Variants in AFF2 observed in about 807,000 individuals in gnomAD.
AFF2 encodes AF4/FMR2 family member 2.
Under a neutral mutation model 76.9 loss-of-function variants are expected in AFF2, and 14 were observed. That is an observed-to-expected ratio of 0.18 (90% CI 0.12 to 0.28). The LOEUF (loss-of-function observed/expected upper bound fraction) is 0.28, where lower values mean the gene tolerates loss of function less well. Among genes scored for constraint, AFF2 ranks in the 10% least tolerant of loss-of-function variants. The pLI is 1.00. For synonymous variants in AFF2, 398 were observed against 366.7 expected (o/e 1.09, Z -0.98); for missense variants, 868 against 1,001.1 (o/e 0.87, Z 1.79).
In AFF2 at chrX:148,953,704, G is replaced by A; in HGVS notation, c.1522G>A (p.Glu508Lys). 8.3e-7 allele frequency: 1 copy of A among 1,210,536 alleles called. No homozygotes were observed. The highest frequency in any genetic ancestry group is 1.1e-6 in the Non-Finnish European group (1 of 895,120). ...SDTESSTTDS[E>K]SNEAPRVATP... ...CACTGAAAGTAGCACCACTGACAGC[G>A]AATCTAATGAGGCACCTCGTGTGGC... The change falls in exon 10 of 21, where the codon GAA becomes AAA. Residue 508 changes from glutamate to lysine, a missense_variant. Glu to Lys is a moderately conservative substitution (Grantham distance 56). Transcript: ENST00000370460.
intron 1 of AFF2, among the ~76,000 whole-genome samples, chrX:148,648,561 CAA>C (rs1241628949): frequency 8.2e-4 from 19 of 23,046 alleles, no homozygotes; most frequent in African/African-American, 2.2e-3. Flanking sequence ...AAAACTCCGT[CAA>C]AAAAAAAAAA....
intron 3 of AFF2, among the ~76,000 whole-genome samples, chrX:148,732,566 A>T (rs1272048434): frequency 1.0e-5 from 1 of 98,829 alleles, no homozygotes; most frequent in Non-Finnish European, 2.0e-5. Context: ...CCTAAAACTT[A>T]AAGTATAATT....
chrX:148,521,374 GCACACACACA>G (rs781978355), intron 1 of AFF2, among the ~76,000 whole-genome samples: 1 of 90,920 alleles, frequency 1.1e-5, no homozygotes, highest in Non-Finnish European at 2.1e-5. Flanking sequence ...GCACGTGCAT[GCACACACACA>G]CACACACACA....
At chrX:148,980,256 G>T (rs1230753544) in intron 18 of AFF2, among the ~76,000 whole-genome samples, 3 of 111,896 alleles carry the variant, frequency 2.7e-5, no homozygotes, top group Non-Finnish European at 5.6e-5. Context: ...TGTAAATAGA[G>T]CAAATCAAGG....
At chrX:148,788,583 C>G (rs2069852454) in intron 3 of AFF2, among the ~76,000 whole-genome samples, 1 of 111,527 alleles carries the variant, frequency 9.0e-6, no homozygotes, top group African/African-American at 3.3e-5. Context: ...TGAAATTTCC[C>G]CAGGACCAGT....
chrX:148,973,134 A>G (rs946210451), intron 15 of AFF2, among the ~76,000 whole-genome samples: 30 of 108,703 alleles, frequency 2.8e-4, no homozygotes, highest in South Asian at 1.6e-3. Context: ...ATTGATCTAT[A>G]TCTCTGTTTT....
chrX:148,996,203 A>T lies in AFF2; in HGVS notation c.*4871A>T, dbSNP rs1290288566. 8.9e-6 allele frequency: 1 copy of T among 112,492 alleles called. No homozygotes were observed. The highest frequency in any genetic ancestry group is 3.2e-5 in the African/African-American group (1 of 30,936). The allele number at this position is 112,492 out of a possible 1,213,427, so 9.3% of individuals were successfully genotyped here. On this transcript the variant is annotated 3_prime_UTR_variant, in exon 21 of 21. Coordinates refer to ENST00000370460, the MANE Select transcript of AFF2 (RefSeq NM_002025.4). The stretch of plus-strand genomic sequence containing the variant: ...GGGAGGAAGGAGACCCTGGACAGTA[A>T]GCAAAATTGGAGACACTCCAACGAG...
chrX:148,712,096 G>T (rs782220442), intron 3 of AFF2, among the ~76,000 whole-genome samples: 227 of 111,569 alleles, frequency 2.0e-3, no homozygotes, highest in Non-Finnish European at 2.9e-3. Flanking sequence ...TACAAGTAAT[G>T]GTTTAAAGCA....
intron 1 of AFF2, among the ~76,000 whole-genome samples, chrX:148,629,996 G>GT (rs1281385188): frequency 6.3e-5 from 7 of 111,306 alleles, no homozygotes; most frequent in Admixed American, 1.9e-4. Flanking sequence ...ATATACCCAG[G>GT]TTTTTTTAAC....
At chrX:148,776,972 G>A (rs1192821497) in intron 3 of AFF2, among the ~76,000 whole-genome samples, 5 of 111,409 alleles carry the variant, frequency 4.5e-5, no homozygotes, top group Non-Finnish European at 7.5e-5. Flanking sequence ...TTTCTTCTAG[G>A]GTTTTTACGG....
At chrX:148,638,083 T>C (rs782752715) in intron 1 of AFF2, among the ~76,000 whole-genome samples, 1 of 111,283 alleles carries the variant, frequency 9.0e-6, no homozygotes, top group South Asian at 3.9e-4. Context: ...CATATCCTTG[T>C]TTTCCATAAA....
At chrX:148,800,477 C>T (rs1279935673) in intron 3 of AFF2, among the ~76,000 whole-genome samples, 2 of 111,970 alleles carry the variant, frequency 1.8e-5, no homozygotes, top group Admixed American at 9.5e-5. Context: ...TTCAAAAAGA[C>T]GTTTAAATCA....
chrX:148,600,297 G>T (rs1304412417), intron 1 of AFF2, among the ~76,000 whole-genome samples: 1 of 111,479 alleles, frequency 9.0e-6, no homozygotes, highest in Non-Finnish European at 1.9e-5. Flanking sequence ...AAACAAGTAG[G>T]AGGACAGCTT....
intron 3 of AFF2, among the ~76,000 whole-genome samples, chrX:148,664,854 T>G (rs1219982663): frequency 4.4e-5 from 5 of 112,764 alleles, no homozygotes; most frequent in African/African-American, 1.6e-4. Context: ...TTCAGTTGTA[T>G]TCTGTCTGCC....
intron 12 of AFF2, 26 bp from the exon 13 acceptor site, chrX:148,962,689 C>T: frequency 2.6e-6 from 3 of 1,145,206 alleles, no homozygotes; most frequent in Non-Finnish European, 3.6e-6. Context: ...GACTTTATGA[C>T]ACCCTACACT....
intron 1 of AFF2, among the ~76,000 whole-genome samples, chrX:148,601,512 C>G (rs782426334): frequency 8.9e-6 from 1 of 111,767 alleles, no homozygotes; most frequent in Non-Finnish European, 1.9e-5. Context: ...GTTCATCTTC[C>G]TTTAGTATTC....
At position 148,648,536 on chromosome X, in the gene AFF2, T is replaced by C. The variant is rs781920594; in HGVS notation, c.48-3463T>C. 3.5e-5 allele frequency among the ~76,000 whole-genome samples: 3 copies of C among 85,030 alleles called. No individual in the cohort carries two copies. The South Asian group carries it at 1.8e-3, about 51-fold the overall frequency. The allele number at this position is 85,030 out of a possible 115,157, so 73.8% of individuals were successfully genotyped here. ...GAGATTGCGCCATTGCACTCCAGCC[T>C]GGTCGACAAGAGGGAAAACTCCGTC... On this transcript the variant is annotated intron_variant, in intron 1 of 20. Transcript: ENST00000370460.
At chrX:148,621,338 G>A (rs1188195666) in intron 1 of AFF2, among the ~76,000 whole-genome samples, 2 of 110,956 alleles carry the variant, frequency 1.8e-5, no homozygotes, top group African/African-American at 6.6e-5. Flanking sequence ...TGGAGTATTG[G>A]ATGACTTATT....
chrX:148,662,935 T>A (rs139425409), intron 3 of AFF2, among the ~76,000 whole-genome samples, 167 bp downstream of exon 3: 1,617 of 112,191 alleles, frequency 0.014, 30 homozygotes, highest in African/African-American at 0.047. Context: ...GTGACATAAC[T>A]GATTAACACG....
Sources: gnomAD v4.1 joint callset for allele counts (sites outside exome capture counted in the v4.1 genomes callset) on GRCh38, gnomAD v4.1.1 for gene constraint, MANE v1.5 for transcripts, NCBI Gene and HGNC (gene_info 2026-07-23, HGNC 2026-07-21) for gene names.